Variants in TXNRD2 observed in about 807,000 individuals in gnomAD.
TXNRD2 encodes thioredoxin reductase 2.
A neutral mutation model predicts 70.8 loss-of-function variants in TXNRD2; 67 were observed. The ratio of observed to expected loss-of-function variants is 0.95; its 90% confidence interval spans 0.78 to 1.16. The LOEUF (loss-of-function observed/expected upper bound fraction) is 1.16. Ranked by LOEUF, TXNRD2 falls within the 50% of genes most tolerant of loss-of-function variation. The probability of loss-of-function intolerance (pLI) is 0.00; values close to 1 mark genes in which losing one functional copy is unlikely to be tolerated. For missense variants in TXNRD2, 644 were observed against 719.9 expected (o/e 0.89, Z 1.21); for synonymous variants, 301 against 295.8 (o/e 1.02, Z -0.18).
intron 9 of TXNRD2, 129 bp downstream of exon 9, chr22:19,898,920 G>T: frequency 2.5e-6 from 3 of 1,184,158 alleles, no homozygotes; most frequent in Non-Finnish European, 3.6e-6. Context: ...GATCCTCCAC[G>T]CCGAGAGGCC....
In TXNRD2 at chr22:19,919,585, T is replaced by C. The variant is rs2146049658; in HGVS notation, c.187A>G (p.Arg63Gly). 1 of 1,562,658 alleles carries C rather than the reference T, an allele frequency of 6.4e-7. No homozygotes were observed. The change falls in exon 3 of 18, where the codon AGG (arginine) becomes GGG (glycine). Residue 63 changes from arginine to glycine, a missense_variant. Arg to Gly is a moderately radical substitution (Grantham distance 125). Around this residue, in one of 3 missense-constraint regions of TXNRD2, gnomAD observed 566 missense variants for 645.0 expected, o/e 0.88. Transcript: ENST00000400521. ...ACGTAGTCCACCACGGCCACCTTCCTTCCCAGCTGGGCGGCTGGAAGGATA... is the reference window on the plus strand; with the variant it reads ...ACGTAGTCCACCACGGCCACCTTCCCTCCCAGCTGGGCGGCTGGAAGGATA... ...ACAKEAAQLG[R>G]KVAVVDYVEP... is the part of the protein sequence containing the mutation.
At chr22:19,895,064 T>C in intron 11 of TXNRD2, 1 of 1,588,660 alleles carries the variant, frequency 6.3e-7, no homozygotes, top group Non-Finnish European at 8.5e-7. Context: ...AAGCAATTGC[T>C]CAAGGGCCAG....
At position 19,880,737 on chromosome 22, in the gene TXNRD2, G is replaced by C; in HGVS notation, c.1087-20C>G. 6.3e-7 allele frequency: 1 copy of C among 1,584,824 alleles called. No individual in the cohort carries two copies. The highest frequency in any genetic ancestry group is 1.3e-5 in the African/African-American group (1 of 74,338). On this transcript the variant is annotated intron_variant, in intron 12 of 17. Transcript: ENST00000400521. ...CCGCCCCTTGGGGAAGGCACAGGGG[G>C]GCCACGTCAGCACCATGTCCGGGGT...
At chr22:19,905,846 A>T (rs1446993261) in intron 8 of TXNRD2, among the ~76,000 whole-genome samples, 2 of 151,688 alleles carry the variant, frequency 1.3e-5, no homozygotes, top group African/African-American at 4.8e-5. Context: ...CCGCAGAAGA[A>T]GTGCAGCCAG....
chr22:19,930,020 G>A (rs994724582), intron 2 of TXNRD2, among the ~76,000 whole-genome samples: 3 of 152,128 alleles, frequency 2.0e-5, no homozygotes, highest in Admixed American at 1.3e-4. Context: ...CCAGGTGCCC[G>A]GTCTGCTAAA....
intron 2 of TXNRD2, among the ~76,000 whole-genome samples, chr22:19,919,803 C>G (rs1244211385): frequency 1.0e-5 from 1 of 100,134 alleles, no homozygotes; most frequent in Non-Finnish European, 2.0e-5. Context: ...TGCCTGCTGG[C>G]TCTGCATTGA....
chr22:19,933,316 C>T (rs1601485322), intron 1 of TXNRD2: 1 of 536,086 alleles, frequency 1.9e-6, no homozygotes. Flanking sequence ...GAACCAAGGA[C>T]TGCTGGTCAG....
At chr22:19,886,807 GTGC>G (rs1343822221) in intron 11 of TXNRD2, among the ~76,000 whole-genome samples, 1 of 152,242 alleles carries the variant, frequency 6.6e-6, no homozygotes, top group Non-Finnish European at 1.5e-5. Context: ...CATTTGCCAA[GTGC>G]TGCTGAATGG....
intron 13 of TXNRD2, 50 bp downstream of exon 13, chr22:19,880,572 C>T (rs778776460): frequency 5.8e-6 from 9 of 1,556,046 alleles, no homozygotes; most frequent in Middle Eastern, 1.7e-4. Flanking sequence ...GAGCTAGCCT[C>T]GAACTCAGCC....
chr22:19,895,717 C>A (rs1438382962), intron 10 of TXNRD2, 136 bp from the exon 11 acceptor site: 4 of 968,314 alleles, frequency 4.1e-6, no homozygotes, highest in Non-Finnish European at 6.3e-6. Context: ...CACCCTGCCC[C>A]CTGCTCTACG....
chr22:19,915,075 C>T lies in TXNRD2; in HGVS notation c.591+139G>A. ...GTGTGGATTCAAGAGAATTGGAAAG[C>T]AGAAAGTGATGATAGTGAGTATAGG... On this transcript the variant is annotated intron_variant, in intron 7 of 17. Transcript: ENST00000400521. 4 of 827,736 alleles carry T rather than the reference C, an allele frequency of 4.8e-6. No individual in the cohort carries two copies. In the South Asian group the frequency reaches 5.9e-5, roughly 12 times the overall value. The allele number at this position is 827,736 out of a possible 1,614,324, so 51.3% of individuals were successfully genotyped here.
At chr22:19,923,561 C>T (rs1940997563) in intron 2 of TXNRD2, among the ~76,000 whole-genome samples, 1 of 152,100 alleles carries the variant, frequency 6.6e-6, no homozygotes, top group Non-Finnish European at 1.5e-5. Context: ...CCGAGGCGGG[C>T]AGATCACCTG....
At chr22:19,889,053 G>T (rs1042281116) in intron 11 of TXNRD2, among the ~76,000 whole-genome samples, 5 of 152,062 alleles carry the variant, frequency 3.3e-5, no homozygotes, top group Admixed American at 2.6e-4. Flanking sequence ...AATGGGACCT[G>T]ATTGGCCACT....
chr22:19,893,192 G>A (rs560384508), intron 11 of TXNRD2, among the ~76,000 whole-genome samples: 25 of 152,284 alleles, frequency 1.6e-4, no homozygotes, highest in African/African-American at 5.5e-4. Context: ...CCAGCCCCAC[G>A]CAAGCCCGGT....
intron 7 of TXNRD2, among the ~76,000 whole-genome samples, chr22:19,911,754 C>T (rs1013367935): frequency 2.0e-5 from 3 of 152,160 alleles, no homozygotes; most frequent in African/African-American, 7.2e-5. Flanking sequence ...GTGGGTACAG[C>T]AACTGCAGGG....
intron 1 of TXNRD2, 113 bp downstream of exon 1, chr22:19,941,588 C>A: frequency 7.5e-7 from 1 of 1,335,166 alleles, no homozygotes; most frequent in Non-Finnish European, 9.5e-7. Context: ...ATGTGGACAC[C>A]CCCGCGTGGG....
At position 19,921,222 on chromosome 22, in the gene TXNRD2, C is replaced by G. The variant is rs555957089; in HGVS notation, c.173-1623G>C. Among the ~76,000 whole-genome samples, 14 of 152,126 alleles carry G rather than the reference C, an allele frequency of 9.2e-5. No individual in the cohort carries two copies. In the South Asian group the frequency reaches 2.9e-3, roughly 32 times the overall value. On this transcript the variant is annotated intron_variant, in intron 2 of 17. Transcript: ENST00000400521. ...TTGAGCCCAGGAGTTTGAGACCAGC[C>G]TGGGCAATATAGCAAAACCCTGTCT...
intron 2 of TXNRD2, among the ~76,000 whole-genome samples, chr22:19,925,061 G>T (rs1194510680): frequency 6.6e-6 from 1 of 151,452 alleles, no homozygotes; most frequent in Non-Finnish European, 1.5e-5. Flanking sequence ...AAGGGGGGCG[G>T]ATCACAAGGT....
chr22:19,938,798 G>A (rs1335078105), intron 1 of TXNRD2, among the ~76,000 whole-genome samples: 5 of 152,028 alleles, frequency 3.3e-5, no homozygotes, highest in East Asian at 3.8e-4. Flanking sequence ...ACTCGGTCTC[G>A]GTCCAAAACG....
Sources: gnomAD v4.1 joint callset for allele counts (sites outside exome capture counted in the v4.1 genomes callset) on GRCh38, gnomAD v4.1.1 for gene constraint, gnomAD v4.1.1 regional missense constraint, MANE v1.5 for transcripts, NCBI Gene and HGNC (gene_info 2026-07-23, HGNC 2026-07-21) for gene names.